The following ZNF438 variants were observed in gnomAD, a reference collection of about 807,000 sequenced individuals.
ZNF438 encodes zinc finger protein 438.
A neutral mutation model predicts 38.0 loss-of-function variants in ZNF438; 25 were observed. The observed-to-expected ratio is 0.66, with a 90% confidence interval of 0.48 to 0.92. The LOEUF (loss-of-function observed/expected upper bound fraction) is 0.92. Among genes scored for constraint, ZNF438 ranks in the 40% least tolerant of loss-of-function variants. The pLI is 0.00. For missense variants in ZNF438, 1,007 were observed against 999.6 expected (o/e 1.01, Z -0.10); for synonymous variants, 372 against 364.1 (o/e 1.02, Z -0.25).
intron 1 of ZNF438, among the ~76,000 whole-genome samples, chr10:31,019,248 C>T (rs1028147552): frequency 1.1e-4 from 17 of 152,282 alleles, no homozygotes; most frequent in African/African-American, 2.6e-4. Flanking sequence ...TCACAATGAC[C>T]GACAAGTCTT....
chr10:30,932,458 G>A (rs1564670468), intron 2 of ZNF438, among the ~76,000 whole-genome samples: 1 of 152,142 alleles, frequency 6.6e-6, no homozygotes, highest in South Asian at 2.1e-4. Flanking sequence ...CTTTATATAT[G>A]TTAACTTATT....
At chr10:31,010,874 C>T (rs1038483279) in intron 1 of ZNF438, among the ~76,000 whole-genome samples, 5 of 115,334 alleles carry the variant, frequency 4.3e-5, no homozygotes, top group African/African-American at 7.4e-5. Flanking sequence ...GCCTGGATAA[C>T]GAAGTGAGAC....
intron 3 of ZNF438, among the ~76,000 whole-genome samples, chr10:30,878,936 A>G (rs2038849324): frequency 6.6e-6 from 1 of 152,190 alleles, no homozygotes; most frequent in Non-Finnish European, 1.5e-5. Context: ...CAGGTCAAGA[A>G]AAACTGATCC....
chr10:30,918,772 A>T (rs1046359505), intron 2 of ZNF438, among the ~76,000 whole-genome samples: 17 of 152,190 alleles, frequency 1.1e-4, no homozygotes, highest in African/African-American at 4.1e-4. Flanking sequence ...AGGCTGGGGA[A>T]TTTTTATAAT....
In ZNF438 at chr10:31,013,560, C is replaced by T. The variant is rs562351311; in HGVS notation, c.-192+18273G>A. Among the ~76,000 whole-genome samples the T allele has an allele frequency of 5.3e-5, 8 of 152,280 alleles. No individual in the cohort carries two copies. The South Asian group carries it at 1.7e-3, about 32-fold the overall frequency. On this transcript the variant is annotated intron_variant, in intron 1 of 5. Coordinates refer to ENST00000413025, the Ensembl canonical transcript of ZNF438. ...TCAGACTCCCTCAGTTTCCTCCACC[C>T]TCACTGACCAACAAACACACGCACA...
chr10:30,994,316 A>T (rs1311433701), intron 1 of ZNF438, among the ~76,000 whole-genome samples: 2 of 152,230 alleles, frequency 1.3e-5, no homozygotes, highest in African/African-American at 4.8e-5. Flanking sequence ...CGTATTGGAA[A>T]CTTGGTCCTG....
At chr10:30,882,107 A>G (rs1370757438) in intron 3 of ZNF438, among the ~76,000 whole-genome samples, 1 of 152,206 alleles carries the variant, frequency 6.6e-6, no homozygotes, top group Non-Finnish European at 1.5e-5. Flanking sequence ...AAAAGATATC[A>G]ATAAGACAAT....
chr10:30,973,734 G>A (rs1242170841), intron 1 of ZNF438, among the ~76,000 whole-genome samples: 1 of 152,164 alleles, frequency 6.6e-6, no homozygotes, highest in Non-Finnish European at 1.5e-5. Flanking sequence ...AGTCTTTTCT[G>A]TGCTGTTCCG....
chr10:30,968,663 A>T (rs2050411039), intron 1 of ZNF438, among the ~76,000 whole-genome samples: 2 of 151,876 alleles, frequency 1.3e-5, no homozygotes, highest in Non-Finnish European at 2.9e-5. Context: ...GGCTAGCTCA[A>T]ACTCCCGACC....
At chr10:30,992,730 T>C (rs1271480460) in intron 1 of ZNF438, among the ~76,000 whole-genome samples, 1 of 152,220 alleles carries the variant, frequency 6.6e-6, no homozygotes, top group Non-Finnish European at 1.5e-5. Context: ...TCTTAGAGAT[T>C]ACTTAAGTGC....
chr10:30,932,308 G>T (rs1461726995), intron 2 of ZNF438, among the ~76,000 whole-genome samples: 1 of 151,584 alleles, frequency 6.6e-6, no homozygotes, highest in Non-Finnish European at 1.5e-5. Flanking sequence ...TTTTTCCATG[G>T]TTTCATAATG....
intron 3 of ZNF438, among the ~76,000 whole-genome samples, chr10:30,892,022 G>A (rs2040751079): frequency 6.6e-6 from 1 of 152,140 alleles, no homozygotes; most frequent in African/African-American, 2.4e-5. Context: ...ATAAAATAAA[G>A]AGGCTGTCAT....
chr10:31,007,293 T>G (rs2055238983), intron 1 of ZNF438, among the ~76,000 whole-genome samples: 1 of 148,574 alleles, frequency 6.7e-6, no homozygotes. Context: ...TTTTTTTTTT[T>G]TTTTTGGAGA....
At chr10:30,922,679 C>A (rs992414183) in intron 2 of ZNF438, among the ~76,000 whole-genome samples, 1 of 151,740 alleles carries the variant, frequency 6.6e-6, no homozygotes, top group African/African-American at 2.4e-5. Flanking sequence ...AGTAAAAATA[C>A]AAAAAATTAG....
At chr10:30,894,439 T>C (rs1423857084) in intron 3 of ZNF438, among the ~76,000 whole-genome samples, 1 of 152,166 alleles carries the variant, frequency 6.6e-6, no homozygotes, top group African/African-American at 2.4e-5. Flanking sequence ...GAAGTATTAA[T>C]GTGTGTGTCC....
chr10:30,882,998 T>C lies in ZNF438; in HGVS notation c.-31-5933A>G, dbSNP rs191663517. On this transcript the variant is annotated intron_variant, in intron 3 of 5. Coordinates refer to ENST00000413025, the Ensembl canonical transcript of ZNF438. ...ATTACTATGCACTCTGGAAAAGATA[T>C]ACTGGACATGGTTCTTGTATTCTTG... Among the ~76,000 whole-genome samples, 19 of 152,322 alleles carry C rather than the reference T, an allele frequency of 1.2e-4. No homozygotes were observed. The East Asian group carries it at 2.1e-3, about 17-fold the overall frequency.
chr10:31,004,246 T>C (rs2054918081), intron 1 of ZNF438, among the ~76,000 whole-genome samples: 1 of 152,170 alleles, frequency 6.6e-6, no homozygotes, highest in Admixed American at 6.5e-5. Context: ...ATGTCAATAG[T>C]GCTGAAGATG....
intron 4 of ZNF438, among the ~76,000 whole-genome samples, chr10:30,871,408 C>T (rs1018107158): frequency 1.3e-5 from 2 of 152,028 alleles, no homozygotes; most frequent in Admixed American, 6.6e-5. Context: ...GCATTTTATA[C>T]ATAATTTAAT....
chr10:30,855,570 A>G (rs1564496907), intron 4 of ZNF438, among the ~76,000 whole-genome samples: 1 of 152,212 alleles, frequency 6.6e-6, no homozygotes, highest in Admixed American at 6.5e-5. Flanking sequence ...AACTAAACCA[A>G]TGTGTTAGTA....
Sources: allele counts gnomAD v4.1 joint callset (sites outside exome capture counted in the v4.1 genomes callset), GRCh38; gene constraint gnomAD v4.1.1; transcripts MANE v1.5; gene names NCBI Gene and HGNC (gene_info 2026-07-23, HGNC 2026-07-21).